Variants in MAGI3 observed in about 807,000 individuals in gnomAD.
The protein encoded by MAGI3 is membrane-associated guanylate kinase, WW and PDZ domain-containing protein 3.
In MAGI3, 43 loss-of-function variants were observed where a neutral mutation model predicts 121.8. The observed-to-expected ratio is 0.35, with a 90% CI of 0.28 to 0.46. MAGI3 has a LOEUF of 0.46. Among genes scored for constraint, MAGI3 ranks in the 20% least tolerant of loss-of-function variants. The pLI, the probability that MAGI3 is intolerant of heterozygous loss-of-function variation, is 1.00. For missense variants in MAGI3, 1,547 were observed against 1,797.3 expected (o/e 0.86, Z 2.52); for synonymous variants, 553 against 639.3 (o/e 0.86, Z 2.04).
intron 9 of MAGI3, among the ~76,000 whole-genome samples, chr1:113,629,013 T>G (rs1160659903): frequency 6.6e-6 from 1 of 152,160 alleles, no homozygotes; most frequent in Non-Finnish European, 1.5e-5. Context: ...TTTTACCTCA[T>G]TTTTTCTGTA....
intron 9 of MAGI3, among the ~76,000 whole-genome samples, chr1:113,632,572 G>C (rs1025753755): frequency 6.6e-6 from 1 of 152,138 alleles, no homozygotes; most frequent in African/African-American, 2.4e-5. Context: ...ACTGATGACC[G>C]TCAACTGGTA....
chr1:113,619,291 G>T (rs1650677459), intron 7 of MAGI3, among the ~76,000 whole-genome samples: 1 of 152,156 alleles, frequency 6.6e-6, no homozygotes, highest in South Asian at 2.1e-4. Flanking sequence ...AAAAGTAATA[G>T]TAATATAATT....
intron 1 of MAGI3, among the ~76,000 whole-genome samples, chr1:113,514,257 C>T (rs1657771081): frequency 6.6e-6 from 1 of 151,918 alleles, no homozygotes; most frequent in African/African-American, 2.4e-5. Flanking sequence ...CCATTTGACC[C>T]AGCCATCCCA....
At chr1:113,565,101 C>T (rs1256995133) in intron 2 of MAGI3, among the ~76,000 whole-genome samples, 2 of 152,110 alleles carry the variant, frequency 1.3e-5, no homozygotes, top group Non-Finnish European at 2.9e-5. Flanking sequence ...CCGCCCGCCT[C>T]AGCCTCCCAA....
At chr1:113,430,992 AT>A (rs1248678732) in intron 1 of MAGI3, among the ~76,000 whole-genome samples, 1 of 152,238 alleles carries the variant, frequency 6.6e-6, no homozygotes, top group East Asian at 1.9e-4. Context: ...TTTTAAATGA[AT>A]AGATAACTAC....
chr1:113,595,170 A>T (rs757420073), intron 6 of MAGI3, among the ~76,000 whole-genome samples: 15 of 152,152 alleles, frequency 9.9e-5, no homozygotes, highest in Admixed American at 6.6e-5. Context: ...GTGTGGTGGC[A>T]CAAACCTGTA....
chr1:113,524,356 G>A (rs1658356541), intron 1 of MAGI3, among the ~76,000 whole-genome samples: 1 of 151,960 alleles, frequency 6.6e-6, no homozygotes, highest in East Asian at 1.9e-4. Flanking sequence ...CAGACAGCTT[G>A]CACCAGAAAA....
chr1:113,605,709 TC>T (rs1240373562), intron 6 of MAGI3, among the ~76,000 whole-genome samples: 2 of 151,342 alleles, frequency 1.3e-5, no homozygotes, highest in Non-Finnish European at 3.0e-5. Flanking sequence ...AAGCGATTCT[TC>T]TGCCTCAACC....
rs1200301782 is a variant in MAGI3 at position 113,477,943 on chromosome 1, TCTAA to T, written c.317-71569_317-71566del. The stretch of plus-strand genomic sequence containing the variant: ...GTTCATTTCTTTTTACTCTTTTTTC[TCTAA>T]CTTTGTTTTCTTGCTTTATTTCATT... On this transcript the variant is annotated intron_variant, in intron 1 of 20. Coordinates refer to ENST00000307546, the MANE Select transcript of MAGI3 (RefSeq NM_001142782.2). 2.6e-5 allele frequency among the ~76,000 whole-genome samples: 4 copies of T among 152,350 alleles called. No homozygotes were observed. The East Asian group carries it at 7.7e-4, about 29-fold the overall frequency.
intron 9 of MAGI3, among the ~76,000 whole-genome samples, chr1:113,636,075 C>A (rs1314668829): frequency 6.6e-6 from 1 of 151,886 alleles, no homozygotes; most frequent in Non-Finnish European, 1.5e-5. Flanking sequence ...TGGTGATATC[C>A]CCTTTTATCA....
chr1:113,561,491 A>G (rs1409774229), intron 2 of MAGI3, among the ~76,000 whole-genome samples: 1 of 152,248 alleles, frequency 6.6e-6, no homozygotes, highest in Non-Finnish European at 1.5e-5. Flanking sequence ...AATTCACCAC[A>G]TAAATAGAAC....
Position 113,649,327 on chromosome 1 carries a change from C to G in MAGI3, c.2246C>G (p.Ser749Cys). 1 of 1,598,052 alleles carries G rather than the reference C, an allele frequency of 6.3e-7. No homozygotes were observed. The highest frequency in any genetic ancestry group is 8.5e-7 in the Non-Finnish European group (1 of 1,171,360). ...CTAGGAGGAGATGGACCTGACCAGTCTGTAAGTGTCACTTCTTTGGAACAT... is the reference window on the plus strand; with the variant it reads ...CTAGGAGGAGATGGACCTGACCAGTGTGTAAGTGTCACTTCTTTGGAACAT... ...RVLGGDGPDQ[S>C]IYIGAIIPLG... Residue 749 changes from serine to cysteine, a missense_variant and splice_region_variant, in exon 13 of 21, where the codon TCT becomes TGT. Ser to Cys is a moderately radical substitution (Grantham distance 112). Coordinates refer to ENST00000307546, the MANE Select transcript of MAGI3 (RefSeq NM_001142782.2).
At chr1:113,681,518 TAGGC>T (rs1035338687) in intron 20 of MAGI3, among the ~76,000 whole-genome samples, 182 bp downstream of exon 20, 3 of 152,212 alleles carry the variant, frequency 2.0e-5, no homozygotes, top group Non-Finnish European at 2.9e-5. Flanking sequence ...ACAAGTGACT[TAGGC>T]AGGACTTTCG....
chr1:113,537,528 C>T (rs1002368116), intron 1 of MAGI3, among the ~76,000 whole-genome samples: 2 of 152,108 alleles, frequency 1.3e-5, no homozygotes, highest in Admixed American at 6.6e-5. Flanking sequence ...TCAGTCCTGC[C>T]GTGCTTTCTG....
intron 1 of MAGI3, among the ~76,000 whole-genome samples, chr1:113,510,663 A>C (rs1289715092): frequency 6.6e-6 from 1 of 152,152 alleles, no homozygotes; most frequent in Non-Finnish European, 1.5e-5. Context: ...AATATCTCCA[A>C]CATCTTATGT....
At chr1:113,463,881 G>A (rs966302045) in intron 1 of MAGI3, among the ~76,000 whole-genome samples, 4 of 151,976 alleles carry the variant, frequency 2.6e-5, no homozygotes, top group Non-Finnish European at 5.9e-5. Flanking sequence ...TTTTATGGAT[G>A]TATAATAGAG....
chr1:113,575,463 G>T (rs936755753), intron 2 of MAGI3, among the ~76,000 whole-genome samples: 1 of 152,308 alleles, frequency 6.6e-6, no homozygotes, highest in Admixed American at 6.5e-5. Context: ...CTGCAGGTCT[G>T]CTGGAGTTTG....
rs761114078 is a variant in MAGI3 at position 113,683,192 on chromosome 1, A to G, written c.3624A>G (p.Leu1208=). The change falls in exon 21 of 21, where the codon CTA becomes CTG. Residue 1208 remains leucine, a synonymous_variant. Coordinates refer to ENST00000307546, the MANE Select transcript of MAGI3 (RefSeq NM_001142782.2). ...SSHGHSNKKN[L]LKVENGVTRR... is the part of the protein sequence containing the mutation. ...ATGGGCACAGTAACAAGAAAAATCT[A>G]TTAAAAGTAGAAAATGGTGTTACAC... 1.2e-6 allele frequency: 2 copies of G among 1,613,980 alleles called. No individual in the cohort carries two copies. The highest frequency in any genetic ancestry group is 2.2e-5 in the East Asian group (1 of 44,892).
intron 19 of MAGI3, among the ~76,000 whole-genome samples, chr1:113,673,677 A>G (rs2101024581): frequency 6.6e-6 from 1 of 152,324 alleles, no homozygotes; most frequent in Middle Eastern, 3.4e-3. Flanking sequence ...GCTAAACCAT[A>G]TTGCAGTTAT....
Sources: allele counts gnomAD v4.1 joint callset (sites outside exome capture counted in the v4.1 genomes callset), GRCh38; gene constraint gnomAD v4.1.1; transcripts MANE v1.5; gene names NCBI Gene and HGNC (gene_info 2026-07-23, HGNC 2026-07-21).